Variants in MLLT6 observed in about 807,000 individuals in gnomAD.
MLLT6 encodes protein AF-17.
In MLLT6, 22 loss-of-function variants were observed where a neutral mutation model predicts 103.0. That is an observed-to-expected ratio of 0.21 (90% confidence interval 0.15 to 0.31). The LOEUF is 0.31. MLLT6 is among the 10% of genes least tolerant of loss of function. The probability of loss-of-function intolerance (pLI) is 1.00; values close to 1 mark genes in which losing one functional copy is unlikely to be tolerated. For synonymous variants in MLLT6, 606 were observed against 623.5 expected, an observed-to-expected ratio of 0.97 and a Z score of 0.42; for missense variants, 1,199 against 1,441.7, an observed-to-expected ratio of 0.83 and a Z score of 2.73.
intron 15 of MLLT6, 38 bp from the exon 16 acceptor site, chr17:38,720,621 A>G (rs763657998): frequency 3.0e-5 from 49 of 1,612,996 alleles, no homozygotes; most frequent in Non-Finnish European, 4.1e-5. Flanking sequence ...TGAAGTCCGG[A>G]CTGGCCCTGA....
At position 38,722,818 on chromosome 17, in the gene MLLT6, G is replaced by C. The variant is rs200307649; in HGVS notation, c.2883+50G>C. The C allele has an allele frequency of 2.3e-4, 312 of 1,369,852 alleles. 1 individual carries two copies. The highest frequency in any genetic ancestry group is 3.2e-4 in the Non-Finnish European group (306 of 960,032). 84.9% of individuals were successfully genotyped at this position (1,369,852 alleles called of 1,614,324 possible). On this transcript the variant is annotated intron_variant, in intron 18 of 19. Transcript: ENST00000621332. ...CAGGTGCCCCTTGGTCTGCCTGGAA[G>C]GGCACATCTCAGAGGATCAGGGCCA...
intron 4 of MLLT6, chr17:38,708,198 G>A (rs944209041): frequency 2.7e-6 from 1 of 372,936 alleles, no homozygotes; most frequent in East Asian, 5.6e-5. Context: ...CACGCTGTTC[G>A]GTGCTGATCA....
At chr17:38,720,909 C>T in intron 16 of MLLT6, 162 bp downstream of exon 16, 1 of 671,794 alleles carries the variant, frequency 1.5e-6, no homozygotes, top group South Asian at 1.9e-5. Context: ...TTATGAGGTG[C>T]CCACTTAGTG....
chr17:38,709,838 G>A lies in MLLT6; in HGVS notation c.552+263G>A, dbSNP rs1193398201. Among the ~76,000 whole-genome samples the A allele has an allele frequency of 6.6e-6, 1 of 152,248 alleles. No homozygotes were observed. The highest frequency in any genetic ancestry group is 1.5e-5 in the Non-Finnish European group (1 of 68,036). On this transcript the variant is annotated intron_variant, in intron 6 of 19. Transcript: ENST00000621332. The surrounding 1 kb of genome is among the most constrained non-coding windows in gnomAD (Gnocchi z 4.3). ...GAGTCTAGGAGGCTTCAAGGAAGAGGTAGCATTTAAGCTGAGTGGAGGTGG... is the reference window on the plus strand; with the variant it reads ...GAGTCTAGGAGGCTTCAAGGAAGAGATAGCATTTAAGCTGAGTGGAGGTGG...
chr17:38,716,103 C>A lies in MLLT6; in HGVS notation c.1037-264C>A. On this transcript the variant is annotated intron_variant, in intron 9 of 19. Transcript: ENST00000621332. The surrounding 1 kb of genome is among the most constrained non-coding windows in gnomAD (Gnocchi z 5.6). ...CTGCAAGGTACAATTTTTCAAGAAC[C>A]CCCATTAACATTTTCTCCTATAATC... 1.7e-6 allele frequency: 1 copy of A among 598,232 alleles called. No homozygotes were observed. Among genetic ancestry groups the A allele is most frequent in the Non-Finnish European group, 2.9e-6 (1 of 340,834 alleles). The allele number at this position is 598,232 out of a possible 1,614,324, so 37.1% of individuals were successfully genotyped here.
At position 38,727,195 on chromosome 17, in the gene MLLT6, T is replaced by G. The variant is rs1906083289; in HGVS notation, c.*1597T>G. ...TATATTTTTGGCAACGACAGAAACG[T>G]AGTGCAGATATATTTTTGCCTGTGC... On this transcript the variant is annotated 3_prime_UTR_variant, in exon 20 of 20. Coordinates refer to ENST00000621332, the MANE Select transcript of MLLT6 (RefSeq NM_005937.4). 1 of 232,598 alleles carries G rather than the reference T, an allele frequency of 4.3e-6. No homozygotes were observed. The highest frequency in any genetic ancestry group is 8.5e-6 in the Non-Finnish European group (1 of 117,682). 14.4% of individuals were successfully genotyped at this position (232,598 alleles called of 1,614,324 possible).
Position 38,707,822 on chromosome 17 carries a change from A to G in MLLT6, c.304A>G (p.Thr102Ala). 1 of 1,613,884 alleles carries G rather than the reference A, an allele frequency of 6.2e-7. No individual in the cohort carries two copies. Among genetic ancestry groups the G allele is most frequent in the Non-Finnish European group, 8.5e-7 (1 of 1,179,900 alleles). ...CGAGGTGCAATTTGCCAACGTGCTC[A>G]CCATGGAGCCCATCGTGCTGCAGTA... Reference protein sequence around the residue: ...IPEVQFANVLTMEPIVLQYVP... With the variant: ...IPEVQFANVLAMEPIVLQYVP... Residue 102 changes from threonine (T) to alanine (A), a missense_variant, in exon 4 of 20, where the codon ACC (threonine) becomes GCC (alanine). This residue lies in a region of MLLT6 where 59 missense variants were observed against 135.1 expected (regional missense o/e 0.44). Coordinates refer to ENST00000621332, the MANE Select transcript of MLLT6 (RefSeq NM_005937.4).
chr17:38,723,450 C>T (rs1905865822), intron 18 of MLLT6, among the ~76,000 whole-genome samples: 1 of 152,042 alleles, frequency 6.6e-6, no homozygotes, highest in Non-Finnish European at 1.5e-5. Context: ...TGAGATGGCG[C>T]CAATACACTC....
At chr17:38,707,361 G>T in intron 2 of MLLT6, 125 bp from the exon 3 acceptor site, 1 of 823,698 alleles carries the variant, frequency 1.2e-6, no homozygotes. Context: ...GGCCAATCCT[G>T]TTTCCACTGT....
At chr17:38,706,280 G>GT (rs1904922898) in intron 1 of MLLT6, 1 of 152,308 alleles carries the variant, frequency 6.6e-6, no homozygotes, top group East Asian at 1.9e-4. Flanking sequence ...GAGGCTTGGA[G>GT]TTTCCCCCAG....
rs113675670 is a variant in MLLT6 at position 38,728,801 on chromosome 17, C to T, written c.*3203C>T. 467 of 234,188 alleles carry T rather than the reference C, an allele frequency of 2.0e-3. 3 individuals carry two copies. Among genetic ancestry groups the T allele is most frequent in the African/African-American group, 9.5e-3 (432 of 45,500 alleles). The allele number at this position is 234,188 out of a possible 1,614,324, so 14.5% of individuals were successfully genotyped here. The stretch of plus-strand genomic sequence containing the variant: ...GTGTGTGTGACACACGGTGTGAGTG[C>T]AGGGCTGTGCCCGGGGTGGGAGGGT... On this transcript the variant is annotated 3_prime_UTR_variant, in exon 20 of 20. Coordinates refer to ENST00000621332, the MANE Select transcript of MLLT6 (RefSeq NM_005937.4).
Position 38,726,322 on chromosome 17 carries a change from T to G in MLLT6, c.*724T>G. 4.3e-6 allele frequency: 1 copy of G among 233,542 alleles called. No homozygotes were observed. The allele number at this position is 233,542 out of a possible 1,614,324, so 14.5% of individuals were successfully genotyped here. A position where few individuals can be genotyped will look rare whatever the true frequency, so the allele number is the denominator to read the frequency against. ...CTATTGGACTTAGGAGTGCCGAGGG[T>G]GGGGAGATGGAGCTGCCCGTCTCAG... On this transcript the variant is annotated 3_prime_UTR_variant, in exon 20 of 20. Transcript: ENST00000621332.
intron 8 of MLLT6, chr17:38,713,692 GGC>G (rs1343745595): frequency 1.3e-5 from 2 of 152,312 alleles, no homozygotes; most frequent in Non-Finnish European, 2.9e-5. Context: ...GCAGGCAGGT[GGC>G]AAGAAATGGC....
Position 38,716,428 on chromosome 17 carries a change from G to A in MLLT6, c.1098G>A (p.Glu366=), listed in dbSNP as rs925686901. Residue 366 remains glutamate (E), a synonymous_variant, in exon 10 of 20, where the codon GAG becomes GAA. Transcript: ENST00000621332. This position sits in a 1 kb window ranked among gnomAD's most constrained non-coding sequence, Gnocchi z 5.6. The part of the protein sequence containing the change: ...SAFPKLEQPE[E]DKYSKPTAPA... Reference sequence around the variant, plus strand: ...TCCCCAAGCTGGAGCAGCCAGAGGAGGACAAGTACTCCAAGCCCACAGCCC... The same window carrying A: ...TCCCCAAGCTGGAGCAGCCAGAGGAAGACAAGTACTCCAAGCCCACAGCCC... 4 of 1,613,866 alleles carry A rather than the reference G, an allele frequency of 2.5e-6. No homozygotes were observed. The highest frequency in any genetic ancestry group is 3.4e-6 in the Non-Finnish European group (4 of 1,179,914).
chr17:38,709,048 A>T lies in MLLT6; in HGVS notation c.355-125A>T. The T allele has an allele frequency of 1.4e-6, 1 of 734,928 alleles. No homozygotes were observed. The allele number at this position is 734,928 out of a possible 1,614,324, so 45.5% of individuals were successfully genotyped here. A position where few individuals can be genotyped will look rare whatever the true frequency, so the allele number is the denominator to read the frequency against. ...CCATAGAGCGTTTTCATCACTGCAGACAGTTCTGTGGGATAGCACTGATCT... is the reference window on the plus strand; with the variant it reads ...CCATAGAGCGTTTTCATCACTGCAGTCAGTTCTGTGGGATAGCACTGATCT... On this transcript the variant is annotated intron_variant, in intron 4 of 19. Coordinates refer to ENST00000621332, the MANE Select transcript of MLLT6 (RefSeq NM_005937.4). The surrounding 1 kb of genome is among the most constrained non-coding windows in gnomAD (Gnocchi z 4.3).
chr17:38,721,572 T>A (rs746414465), intron 16 of MLLT6, among the ~76,000 whole-genome samples: 1 of 152,132 alleles, frequency 6.6e-6, no homozygotes, highest in African/African-American at 2.4e-5. Flanking sequence ...AAAATGAGAA[T>A]AGCAAGATAG....
In MLLT6 at chr17:38,707,387, C is replaced by G. The variant is rs1904975392; in HGVS notation, c.190-99C>G. The G allele has an allele frequency of 1.0e-5, 12 of 1,162,514 alleles. No homozygotes were observed. In the Admixed American group the frequency reaches 2.0e-4, roughly 19 times the overall value. 72.0% of individuals were successfully genotyped at this position (1,162,514 alleles called of 1,614,324 possible). Reference sequence around the variant, plus strand: ...TTTCCACTGTAGCCCCATCCATCCACCCTAGAGCTTAGCATTTCAGCCTGG... The same window carrying G: ...TTTCCACTGTAGCCCCATCCATCCAGCCTAGAGCTTAGCATTTCAGCCTGG... On this transcript the variant is annotated intron_variant, in intron 2 of 19. Transcript: ENST00000621332.
rs1373633830 is a variant in MLLT6, at chr17:38,729,657, C to T, written c.*4059C>T. 1 of 230,742 alleles carries T rather than the reference C, an allele frequency of 4.3e-6. No individual in the cohort carries two copies. Among genetic ancestry groups the T allele is most frequent in the Non-Finnish European group, 8.6e-6 (1 of 116,314 alleles). The allele number at this position is 230,742 out of a possible 1,614,324, so 14.3% of individuals were successfully genotyped here. On this transcript the variant is annotated 3_prime_UTR_variant, in exon 20 of 20. Coordinates refer to ENST00000621332, the MANE Select transcript of MLLT6 (RefSeq NM_005937.4). ...TCCTCAGCCCAAAGGCGATGCCCCC[C>T]TGCCACCTCCAAGCCTGGAATTGTG...
Position 38,722,066 on chromosome 17 carries a change from C to G in MLLT6, c.2631C>G (p.Ala877=). Residue 877 remains alanine, a synonymous_variant, in exon 17 of 20, where the codon GCC becomes GCG. Coordinates refer to ENST00000621332, the MANE Select transcript of MLLT6 (RefSeq NM_005937.4). ...GRAPGAAGLG[A]MPMAEGLLGG... is the part of the protein sequence containing the mutation. The stretch of plus-strand genomic sequence containing the variant: ...CACCCGGGGCAGCGGGGCTGGGGGC[C>G]ATGCCCATGGCTGAGGGGCTGTTGG... 7.2e-7 allele frequency: 1 copy of G among 1,389,386 alleles called. No homozygotes were observed. Among genetic ancestry groups the G allele is most frequent in the Non-Finnish European group, 9.3e-7 (1 of 1,076,376 alleles). 86.1% of individuals were successfully genotyped at this position (1,389,386 alleles called of 1,614,324 possible).
Sources: allele counts gnomAD v4.1 joint callset (sites outside exome capture counted in the v4.1 genomes callset), GRCh38; gene constraint gnomAD v4.1.1; regional missense constraint gnomAD v4.1.1; non-coding constraint Gnocchi (gnomAD v3.1); transcripts MANE v1.5; gene names NCBI Gene and HGNC (gene_info 2026-07-23, HGNC 2026-07-21).